Variants in KCTD7 observed in about 807,000 individuals in gnomAD.
KCTD7 encodes the protein BTB/POZ domain-containing protein KCTD7.
KCTD7 carries 15 observed loss-of-function variants against 27.0 expected under a neutral mutation model. The ratio of observed to expected loss-of-function variants is 0.56; its 90% CI spans 0.37 to 0.86. KCTD7 has a LOEUF of 0.86. Among genes scored for constraint, KCTD7 ranks in the 40% least tolerant of loss-of-function variants. The pLI, the probability that KCTD7 is intolerant of heterozygous loss-of-function variation, is 0.00. For missense variants in KCTD7, 299 were observed against 398.9 expected (o/e 0.75, Z 2.13); for synonymous variants, 159 against 162.7 (o/e 0.98, Z 0.17).
intron 2 of KCTD7, among the ~76,000 whole-genome samples, chr7:66,634,122 A>ATATATATATATATG (rs1399201615): frequency 1.1e-4 from 16 of 145,510 alleles, no homozygotes; most frequent in Non-Finnish European, 1.6e-4. Context: ...ACATATATAT[A>ATATATATATATATG]TATATATATA....
At position 66,639,600 on chromosome 7, in the gene KCTD7, T is replaced by C; in HGVS notation, c.*368T>C. 2 of 1,349,432 alleles carry C rather than the reference T, an allele frequency of 1.5e-6. No homozygotes were observed. The highest frequency in any genetic ancestry group is 1.6e-5 in the South Asian group (1 of 63,528). The allele number at this position is 1,349,432 out of a possible 1,614,324, so 83.6% of individuals were successfully genotyped here. A position where few individuals can be genotyped will look rare whatever the true frequency, so the allele number is the denominator to read the frequency against. On this transcript the variant is annotated 3_prime_UTR_variant, in exon 4 of 4. Transcript: ENST00000639828. ...TTTTAGAGCCACGTTACCAAATCGA[T>C]GTAGGCCTAATCACTTCCTCAACCC...
chr7:66,635,013 T>C lies in KCTD7; in HGVS notation c.314+1569T>C, dbSNP rs79812221. On this transcript the variant is annotated intron_variant, in intron 2 of 3. Coordinates refer to ENST00000639828, the MANE Select transcript of KCTD7 (RefSeq NM_153033.5). ...CCAGGGCAACAGAGTGAGACTGTCT[T>C]TTTTTTTTTTTTTTTTTTGAGTCAG... Among the ~76,000 whole-genome samples the C allele has an allele frequency of 3.4e-4, 3 of 8,912 alleles. No homozygotes were observed. The African/African-American group carries it at 6.2e-3, about 18-fold the overall frequency. 5.8% of individuals were successfully genotyped at this position (8,912 alleles called of 152,430 possible).
chr7:66,638,220 C>G, intron 2 of KCTD7, 33 bp from the exon 3 acceptor site: 4 of 1,613,368 alleles, frequency 2.5e-6, no homozygotes, highest in Non-Finnish European at 2.5e-6. Flanking sequence ...AGCATAAGCT[C>G]CTTGTCACCG....
At position 66,639,422 on chromosome 7, in the gene KCTD7, C is replaced by T. The variant is rs1358117739; in HGVS notation, c.*190C>T. The stretch of plus-strand genomic sequence containing the variant: ...CCTGACTGCACCTCAGGGTTGGGCT[C>T]AGGGCTTGCGGCCTGCAGGCACTCC... On this transcript the variant is annotated 3_prime_UTR_variant, in exon 4 of 4. Coordinates refer to ENST00000639828, the MANE Select transcript of KCTD7 (RefSeq NM_153033.5). 2.0e-6 allele frequency: 3 copies of T among 1,481,186 alleles called. No homozygotes were observed. Among genetic ancestry groups the T allele is most frequent in the East Asian group, 2.5e-5 (1 of 40,290 alleles). The allele number at this position is 1,481,186 out of a possible 1,614,324, so 91.8% of individuals were successfully genotyped here.
chr7:66,638,515 C>A, intron 3 of KCTD7, 84 bp downstream of exon 3: 2 of 1,382,056 alleles, frequency 1.4e-6, no homozygotes, highest in Non-Finnish European at 2.0e-6. Context: ...CATCAGAACA[C>A]CGGGGGCAGC....
chr7:66,640,944 G>A lies in KCTD7; in HGVS notation c.*1712G>A. On this transcript the variant is annotated 3_prime_UTR_variant, in exon 4 of 4. Coordinates refer to ENST00000639828, the MANE Select transcript of KCTD7 (RefSeq NM_153033.5). The stretch of plus-strand genomic sequence containing the variant: ...GGAGCTGAAGTCTGTGTTCATATGA[G>A]GAAGAGAAGACCAAGCCCTGGGACT... 1 of 985,550 alleles carries A rather than the reference G, an allele frequency of 1.0e-6. No homozygotes were observed. Among genetic ancestry groups the A allele is most frequent in the Non-Finnish European group, 1.2e-6 (1 of 830,018 alleles). The allele number at this position is 985,550 out of a possible 1,614,324, so 61.1% of individuals were successfully genotyped here. A position where few individuals can be genotyped will look rare whatever the true frequency, so the allele number is the denominator to read the frequency against.
At position 66,639,282 on chromosome 7, in the gene KCTD7, G is replaced by T; in HGVS notation, c.*50G>T. 6.2e-7 allele frequency: 1 copy of T among 1,600,976 alleles called. No individual in the cohort carries two copies. The highest frequency in any genetic ancestry group is 8.5e-7 in the Non-Finnish European group (1 of 1,179,880). ...ATCAGGGAGGATGTCCACCTTGCTTGGTGGCTCTGGGAGTAAGATCCCTGA... is the reference window on the plus strand; with the variant it reads ...ATCAGGGAGGATGTCCACCTTGCTTTGTGGCTCTGGGAGTAAGATCCCTGA... On this transcript the variant is annotated 3_prime_UTR_variant, in exon 4 of 4. Coordinates refer to ENST00000639828, the MANE Select transcript of KCTD7 (RefSeq NM_153033.5).
rs1290529808 is a variant in KCTD7, at chr7:66,639,017, G to C, written c.655G>C (p.Gly219Arg). The C allele has an allele frequency of 6.2e-7, 1 of 1,614,048 alleles. No homozygotes were observed. The highest frequency in any genetic ancestry group is 1.3e-5 in the African/African-American group (1 of 74,914). ...GCGATTTGAGCGGAGTGAGAGTGAC[G>C]GGCAGCTTTTTGAGCACCACTGTGA... Reference protein sequence around the residue: ...SLRFERSESDGQLFEHHCEVD... With the variant: ...SLRFERSESDRQLFEHHCEVD... The change falls in exon 4 of 4, where the codon GGG becomes CGG. Residue 219 changes from glycine (G) to arginine (R), a missense_variant. Physicochemically the swap from Gly to Arg is moderately radical, Grantham distance 125 (BLOSUM62 -2). Coordinates refer to ENST00000639828, the MANE Select transcript of KCTD7 (RefSeq NM_153033.5).
Position 66,633,271 on chromosome 7 carries a change from C to T in KCTD7, c.145-4C>T, listed in dbSNP as rs368755155. The T allele has an allele frequency of 6.2e-6, 10 of 1,613,794 alleles. No homozygotes were observed. The Middle Eastern group carries it at 5.0e-4, about 81-fold the overall frequency. The stretch of plus-strand genomic sequence containing the variant: ...GCCTGAGAGCCCTGGTGATTTCTTT[C>T]CAGTTTCCTGAGGTTGTTCCCCTTA... On this transcript the variant is annotated splice_region_variant and splice_polypyrimidine_tract_variant and intron_variant, in intron 1 of 3. Transcript: ENST00000639828.
Position 66,641,970 on chromosome 7 carries a change from ATTG to A in KCTD7, c.*2743_*2745del, listed in dbSNP as rs1786729294. 8.1e-6 allele frequency: 8 copies of A among 985,418 alleles called. No individual in the cohort carries two copies. The African/African-American group carries it at 1.2e-4, about 15-fold the overall frequency. The allele number at this position is 985,418 out of a possible 1,614,324, so 61.0% of individuals were successfully genotyped here. A position where few individuals can be genotyped will look rare whatever the true frequency, so the allele number is the denominator to read the frequency against. On this transcript the variant is annotated 3_prime_UTR_variant, in exon 4 of 4. Transcript: ENST00000639828. ...TCATAAGGAAGTGCATCTTTATAGA[ATTG>A]TTGTGCATAATGTCAGTAAATCCCT...
chr7:66,629,433 C>G (rs561150606), intron 1 of KCTD7, among the ~76,000 whole-genome samples: 2 of 150,286 alleles, frequency 1.3e-5, no homozygotes, highest in East Asian at 4.0e-4. Context: ...TTCCCCACCC[C>G]CTACACCCTC....
chr7:66,638,648 GC>G, intron 3 of KCTD7: 1 of 779,258 alleles, frequency 1.3e-6, no homozygotes, highest in Non-Finnish European at 2.0e-6. Context: ...CAGAAGGACA[GC>G]CCTCGTCCCA....
chr7:66,628,932 G>C lies in KCTD7; in HGVS notation c.-133G>C, dbSNP rs1584392559. The C allele has an allele frequency of 2.3e-6, 2 of 888,380 alleles. No individual in the cohort carries two copies. Among genetic ancestry groups the C allele is most frequent in the Non-Finnish European group, 3.1e-6 (2 of 649,468 alleles). 55.0% of individuals were successfully genotyped at this position (888,380 alleles called of 1,614,324 possible). ...AGGGAGCCACCGCCCTCCCGCCTGC[G>C]CACTGCCTCTCGCCCCCCTCCGGCC... On this transcript the variant is annotated 5_prime_UTR_variant, in exon 1 of 4. Coordinates refer to ENST00000639828, the MANE Select transcript of KCTD7 (RefSeq NM_153033.5).
rs757018925 is a variant in KCTD7, at chr7:66,629,212, C to G, written c.144+4C>G. 2.2e-6 allele frequency: 3 copies of G among 1,371,098 alleles called. No individual in the cohort carries two copies. The highest frequency in any genetic ancestry group is 2.8e-6 in the Non-Finnish European group (3 of 1,059,274). The allele number at this position is 1,371,098 out of a possible 1,614,324, so 84.9% of individuals were successfully genotyped here. The stretch of plus-strand genomic sequence containing the variant: ...GCTGCCCCTGCTGCCACAGGAGGTA[C>G]CCGGGCGGGCGGCGGGCCGCGGGGC... On this transcript the variant is annotated splice_donor_region_variant and intron_variant, in intron 1 of 3. Transcript: ENST00000639828.
intron 2 of KCTD7, among the ~76,000 whole-genome samples, chr7:66,633,750 G>A (rs1786509661): frequency 6.6e-6 from 1 of 151,904 alleles, no homozygotes; most frequent in African/African-American, 2.4e-5. Flanking sequence ...ACTTTGGGAG[G>A]CTGAGGCAGG....
chr7:66,633,257 C>T lies in KCTD7; in HGVS notation c.145-18C>T. ...ATTCCCCGTTGCCTGCCTGAGAGCC[C>T]TGGTGATTTCTTTCCAGTTTCCTGA... On this transcript the variant is annotated intron_variant, in intron 1 of 3. Transcript: ENST00000639828. 1 of 1,613,590 alleles carries T rather than the reference C, an allele frequency of 6.2e-7. No homozygotes were observed.
chr7:66,637,936 A>C (rs183898043), intron 2 of KCTD7, among the ~76,000 whole-genome samples: 104 of 152,332 alleles, frequency 6.8e-4, no homozygotes, highest in Middle Eastern at 3.4e-3. Context: ...TTATACTTAC[A>C]TATACCTAAT....
intron 2 of KCTD7, among the ~76,000 whole-genome samples, chr7:66,637,890 A>G (rs1404013712): frequency 6.6e-6 from 1 of 151,968 alleles, no homozygotes; most frequent in African/African-American, 2.4e-5. Context: ...TTCTAAAACT[A>G]TATATATATA....
chr7:66,639,529 G>A lies in KCTD7; in HGVS notation c.*297G>A, dbSNP rs1034760479. ...AGCTAGGGCTTGACCAGGAAGTCCC[G>A]AGAAGTTTTGTCACCTTCTTGACCT... is the stretch of plus-strand genomic sequence containing the variant. On this transcript the variant is annotated 3_prime_UTR_variant, in exon 4 of 4. Coordinates refer to ENST00000639828, the MANE Select transcript of KCTD7 (RefSeq NM_153033.5). The A allele has an allele frequency of 1.7e-5, 23 of 1,382,416 alleles. 1 individual carries two copies. The highest frequency in any genetic ancestry group is 1.1e-4 in the South Asian group (7 of 65,684). 85.6% of individuals were successfully genotyped at this position (1,382,416 alleles called of 1,614,324 possible).
Sources: gnomAD v4.1 joint callset for allele counts (sites outside exome capture counted in the v4.1 genomes callset) on GRCh38, gnomAD v4.1.1 for gene constraint, MANE v1.5 for transcripts, NCBI Gene and HGNC (gene_info 2026-07-23, HGNC 2026-07-21) for gene names.